The following STK39 variants were observed in gnomAD, a reference collection of about 807,000 sequenced individuals.
STK39 encodes the protein STE20/SPS1-related proline-alanine-rich protein kinase.
In STK39, 20 loss-of-function variants were observed where a neutral mutation model predicts 77.8. The observed-to-expected ratio is 0.26, with a 90% CI of 0.18 to 0.37. STK39 has a LOEUF of 0.37. STK39 is among the 10% of genes least tolerant of loss of function. The pLI, the probability that STK39 is intolerant of heterozygous loss-of-function variation, is 1.00. For missense variants in STK39, 479 were observed against 656.5 expected (o/e 0.73, Z 2.95); for synonymous variants, 246 against 234.1 (o/e 1.05, Z -0.47).
At chr2:168,038,708 A>C (rs537232067) in intron 14 of STK39, among the ~76,000 whole-genome samples, 1 of 152,144 alleles carries the variant, frequency 6.6e-6, no homozygotes, top group East Asian at 1.9e-4. Context: ...TATATAAAGA[A>C]TTTATGTAAC....
intron 1 of STK39, among the ~76,000 whole-genome samples, chr2:168,197,105 G>A (rs1055109880): frequency 6.6e-6 from 1 of 152,210 alleles, no homozygotes; most frequent in Non-Finnish European, 1.5e-5. Context: ...GTACAGCCTG[G>A]TTGGTTAGGG....
chr2:167,968,918 A>G (rs1692239519), intron 16 of STK39, among the ~76,000 whole-genome samples: 1 of 152,204 alleles, frequency 6.6e-6, no homozygotes, highest in African/African-American at 2.4e-5. Flanking sequence ...ATTTTCCCTA[A>G]ATCTCCAGGC....
intron 14 of STK39, among the ~76,000 whole-genome samples, chr2:168,052,470 A>G (rs990430277): frequency 1.3e-5 from 2 of 152,210 alleles, no homozygotes; most frequent in Non-Finnish European, 2.9e-5. Flanking sequence ...TTTGCCTTGG[A>G]AAAAAAGCAA....
chr2:168,044,185 T>C (rs1685179428), intron 14 of STK39, among the ~76,000 whole-genome samples: 1 of 152,186 alleles, frequency 6.6e-6, no homozygotes, highest in African/African-American at 2.4e-5. Context: ...GGAAGATCCT[T>C]GCAATACTGT....
intron 10 of STK39, among the ~76,000 whole-genome samples, chr2:168,121,788 G>A (rs940921000): frequency 1.5e-4 from 23 of 152,174 alleles, no homozygotes; most frequent in Non-Finnish European, 2.5e-4. Flanking sequence ...CTGAGCACCT[G>A]CTATGTGTCA....
At position 168,247,333 on chromosome 2, in the gene STK39, G is replaced by A; in HGVS notation, c.103C>T (p.Pro35Ser). Residue 35 changes from proline to serine, a missense_variant, in exon 1 of 18, where the codon CCG becomes TCG. By Grantham distance (74) the Pro-to-Ser change is moderately conservative (BLOSUM62 -1). Around this residue, in one of 3 missense-constraint regions of STK39, gnomAD observed 96 missense variants for 79.1 expected, o/e 1.21. Transcript: ENST00000355999. ...GGGGCCGCGGGAGCTGCCGGGGCCG[G>A]CGCTGCTGTCGCGGCCGCCGGGGCC... ...AAAPAAATAA[P>S]APAAPAAPAP... The A allele has an allele frequency of 9.6e-7, 1 of 1,039,990 alleles. No individual in the cohort carries two copies. Among genetic ancestry groups the A allele is most frequent in the Non-Finnish European group, 1.2e-6 (1 of 862,184 alleles). 64.4% of individuals were successfully genotyped at this position (1,039,990 alleles called of 1,614,324 possible). A position where few individuals can be genotyped will look rare whatever the true frequency, so the allele number is the denominator to read the frequency against.
intron 16 of STK39, among the ~76,000 whole-genome samples, chr2:167,986,111 T>C (rs998894512): frequency 1.3e-5 from 2 of 152,244 alleles, no homozygotes; most frequent in African/African-American, 4.8e-5. Context: ...TATTAGAAAT[T>C]CCAATCTTAG....
chr2:168,090,125 G>C (rs1022076299), intron 10 of STK39, among the ~76,000 whole-genome samples: 1 of 152,164 alleles, frequency 6.6e-6, no homozygotes, highest in Non-Finnish European at 1.5e-5. Flanking sequence ...TTTTTGTTAA[G>C]GTGGCATTTG....
At chr2:168,180,958 A>C (rs552249048) in intron 2 of STK39, among the ~76,000 whole-genome samples, 1 of 152,354 alleles carries the variant, frequency 6.6e-6, no homozygotes, top group African/African-American at 2.4e-5. Flanking sequence ...TTATCCTTGT[A>C]CTTAATTTAT....
chr2:168,015,614 C>T (rs1351794009), intron 15 of STK39, among the ~76,000 whole-genome samples: 1 of 152,212 alleles, frequency 6.6e-6, no homozygotes, highest in Non-Finnish European at 1.5e-5. Context: ...AAGTCCTGAG[C>T]TCATATTCAC....
intron 14 of STK39, among the ~76,000 whole-genome samples, chr2:168,059,579 A>G (rs1685609651): frequency 6.6e-6 from 1 of 152,178 alleles, no homozygotes; most frequent in Non-Finnish European, 1.5e-5. Context: ...TTCTGCCAGC[A>G]GCCTAAAAAG....
chr2:168,158,358 T>C (rs1416123161), intron 5 of STK39, among the ~76,000 whole-genome samples: 2 of 152,064 alleles, frequency 1.3e-5, no homozygotes, highest in Non-Finnish European at 2.9e-5. Context: ...GTGGTGTCAT[T>C]ATTGAGCTTA....
chr2:168,173,365 C>T (rs1157840410), intron 2 of STK39, among the ~76,000 whole-genome samples: 1 of 152,050 alleles, frequency 6.6e-6, no homozygotes, highest in Non-Finnish European at 1.5e-5. Flanking sequence ...GAAAGGTAAC[C>T]TAATCAATAT....
At chr2:168,199,485 C>T (rs1689557477) in intron 1 of STK39, among the ~76,000 whole-genome samples, 1 of 151,994 alleles carries the variant, frequency 6.6e-6, no homozygotes, top group Non-Finnish European at 1.5e-5. Flanking sequence ...CAAGGAATTC[C>T]ATGATAAATT....
intron 1 of STK39, among the ~76,000 whole-genome samples, chr2:168,236,302 G>A (rs1042497888): frequency 6.6e-6 from 1 of 152,074 alleles, no homozygotes; most frequent in Non-Finnish European, 1.5e-5. Context: ...TGATGGGGTT[G>A]TTTTTTTCTT....
At position 168,075,116 on chromosome 2, in the gene STK39, T is replaced by C. The variant is rs1686045537; in HGVS notation, c.1205A>G (p.Gln402Arg). ...KSEEGKAAFS[Q>R]EKSRRVKEEN... Reference sequence around the variant, plus strand: ...GTCAACGATGTCATTTACCTTTTCCTGAGAAAAAGCTGCTTTCCCTTCTTC... The same window carrying C: ...GTCAACGATGTCATTTACCTTTTCCCGAGAAAAAGCTGCTTTCCCTTCTTC... The change falls in exon 11 of 18, where the codon CAG becomes CGG. Residue 402 changes from glutamine to arginine, a missense_variant. Physicochemically the swap from Gln to Arg is conservative, Grantham distance 43. Coordinates refer to ENST00000355999, the MANE Select transcript of STK39 (RefSeq NM_013233.3). 27 of 1,614,204 alleles carry C rather than the reference T, an allele frequency of 1.7e-5. No individual in the cohort carries two copies. The East Asian group carries it at 6.0e-4, about 36-fold the overall frequency.
chr2:168,107,255 A>G (rs1281180065), intron 10 of STK39, among the ~76,000 whole-genome samples: 2 of 152,214 alleles, frequency 1.3e-5, no homozygotes, highest in Non-Finnish European at 2.9e-5. Flanking sequence ...TCCCATACGA[A>G]TAACTTCACA....
chr2:168,029,822 G>T (rs189196845), intron 14 of STK39, among the ~76,000 whole-genome samples: 7 of 152,304 alleles, frequency 4.6e-5, no homozygotes, highest in African/African-American at 1.7e-4. Context: ...ACATGCAGGA[G>T]ACTGGCTTAT....
intron 2 of STK39, among the ~76,000 whole-genome samples, chr2:168,174,616 C>T (rs1344606755): frequency 6.6e-6 from 1 of 151,988 alleles, no homozygotes. Flanking sequence ...TGGAATCAGA[C>T]TCACACTCAG....
Sources: gnomAD v4.1 joint callset for allele counts (sites outside exome capture counted in the v4.1 genomes callset) on GRCh38, gnomAD v4.1.1 for gene constraint, gnomAD v4.1.1 regional missense constraint, MANE v1.5 for transcripts, NCBI Gene and HGNC (gene_info 2026-07-23, HGNC 2026-07-21) for gene names.